Variants in ALCAM observed in about 807,000 individuals in gnomAD.
ALCAM encodes the protein activated leukocyte cell adhesion molecule.
A neutral mutation model predicts 70.9 loss-of-function variants in ALCAM; 30 were observed. The ratio of observed to expected loss-of-function variants is 0.42; its 90% CI spans 0.32 to 0.57. The LOEUF (loss-of-function observed/expected upper bound fraction) is 0.57. ALCAM is among the 20% of genes least tolerant of loss of function. The pLI is 0.11. For missense variants in ALCAM, 591 were observed against 695.1 expected (o/e 0.85, Z 1.68); for synonymous variants, 249 against 242.5 (o/e 1.03, Z -0.25).
chr3:105,533,793 A>T (rs774900077), intron 5 of ALCAM, 103 bp downstream of exon 5: 39 of 1,070,592 alleles, frequency 3.6e-5, no homozygotes, highest in Non-Finnish European at 5.1e-5. Flanking sequence ...CCTTTTTGGC[A>T]CCAGGAACTG....
intron 1 of ALCAM, among the ~76,000 whole-genome samples, chr3:105,466,030 T>C (rs932144336): frequency 1.3e-5 from 2 of 151,520 alleles, no homozygotes; most frequent in African/African-American, 4.8e-5. Context: ...TCATCTTTTA[T>C]TGAAAGCAGT....
chr3:105,382,224 A>G (rs1454022578), intron 1 of ALCAM, among the ~76,000 whole-genome samples: 2 of 151,964 alleles, frequency 1.3e-5, no homozygotes, highest in African/African-American at 4.8e-5. Context: ...TTTACTGAGA[A>G]TGATGATTTC....
rs75335452 is a variant in ALCAM, at chr3:105,409,585, G to A, written c.73+42104G>A. ...GGCTGGGGAATGGCAAGGGATAAAG[G>A]ATGACACATTAGGTACAGTGTACAC... On this transcript the variant is annotated intron_variant, in intron 1 of 15. Transcript: ENST00000306107. Among the ~76,000 whole-genome samples, 463 of 152,092 alleles carry A rather than the reference G, an allele frequency of 3.0e-3. 15 individuals are homozygous for A. In the East Asian group the frequency reaches 0.08, roughly 26 times the overall value.
intron 4 of ALCAM, among the ~76,000 whole-genome samples, 188 bp downstream of exon 4, chr3:105,532,254 GAC>G (rs1259506874): frequency 1.3e-5 from 2 of 152,106 alleles, no homozygotes; most frequent in Non-Finnish European, 2.9e-5. Flanking sequence ...TAACCATGAG[GAC>G]ATCAAGGAAG....
chr3:105,513,133 T>C (rs1422406963), intron 1 of ALCAM, among the ~76,000 whole-genome samples: 1 of 149,212 alleles, frequency 6.7e-6, no homozygotes, highest in African/African-American at 2.5e-5. Context: ...TTTTTAAATG[T>C]TTTTTATTTA....
chr3:105,413,556 T>C (rs1329986529), intron 1 of ALCAM, among the ~76,000 whole-genome samples: 1 of 152,156 alleles, frequency 6.6e-6, no homozygotes, highest in Admixed American at 6.5e-5. Context: ...AGTAGATGGA[T>C]GTGGGATAAG....
chr3:105,485,400 C>T (rs530953200), intron 1 of ALCAM, among the ~76,000 whole-genome samples: 46 of 150,526 alleles, frequency 3.1e-4, no homozygotes, highest in South Asian at 2.9e-3. Flanking sequence ...TGTGTGTGCG[C>T]GCACATCCAC....
intron 1 of ALCAM, among the ~76,000 whole-genome samples, chr3:105,435,147 T>C (rs1937022079): frequency 6.6e-6 from 1 of 152,226 alleles, no homozygotes; most frequent in Admixed American, 6.5e-5. Flanking sequence ...TAATACATGA[T>C]CACTTTCTAA....
chr3:105,444,951 A>G (rs950951086), intron 1 of ALCAM, among the ~76,000 whole-genome samples: 1 of 152,164 alleles, frequency 6.6e-6, no homozygotes, highest in Non-Finnish European at 1.5e-5. Context: ...TACATTCCAA[A>G]TACATCCAGG....
intron 1 of ALCAM, among the ~76,000 whole-genome samples, chr3:105,424,974 A>G (rs548603742): frequency 1.3e-5 from 2 of 151,840 alleles, no homozygotes; most frequent in African/African-American, 4.8e-5. Flanking sequence ...TGGTAGAACT[A>G]GAACTTGAAC....
chr3:105,504,068 AT>A (rs1179090827), intron 1 of ALCAM, among the ~76,000 whole-genome samples: 1 of 152,224 alleles, frequency 6.6e-6, no homozygotes, highest in Admixed American at 6.5e-5. Context: ...ACTTATACTT[AT>A]TAATTTAGTA....
chr3:105,532,593 A>G (rs752928265), intron 4 of ALCAM, among the ~76,000 whole-genome samples: 21 of 152,102 alleles, frequency 1.4e-4, no homozygotes, highest in Non-Finnish European at 2.2e-4. Context: ...TGGACGACAG[A>G]GCCAGACCCT....
At position 105,574,736 on chromosome 3, in the gene ALCAM, T is replaced by A. The variant is rs1445590392; in HGVS notation, c.*285T>A. 2.0e-5 allele frequency: 3 copies of A among 152,628 alleles called. No homozygotes were observed. The highest frequency in any genetic ancestry group is 7.2e-5 in the African/African-American group (3 of 41,448). The allele number at this position is 152,628 out of a possible 1,614,324, so 9.5% of individuals were successfully genotyped here. A position where few individuals can be genotyped will look rare whatever the true frequency, so the allele number is the denominator to read the frequency against. On this transcript the variant is annotated 3_prime_UTR_variant, in exon 16 of 16. Coordinates refer to ENST00000306107, the MANE Select transcript of ALCAM (RefSeq NM_001627.4). The stretch of plus-strand genomic sequence containing the variant: ...TCCGTAAATGTCTGCACTGAGGATT[T>A]CTTTTTGGTTTGCCTTTTATGTAAA...
At chr3:105,446,648 CACAT>C (rs1225610339) in intron 1 of ALCAM, among the ~76,000 whole-genome samples, 4 of 135,214 alleles carry the variant, frequency 3.0e-5, no homozygotes, top group African/African-American at 7.9e-5. Flanking sequence ...CACACACACA[CACAT>C]AATGGAGTAC....
intron 1 of ALCAM, among the ~76,000 whole-genome samples, chr3:105,491,392 T>C (rs1938583249): frequency 6.6e-6 from 1 of 152,234 alleles, no homozygotes; most frequent in Non-Finnish European, 1.5e-5. Flanking sequence ...CTTCATTACT[T>C]AGGCAAATTT....
At chr3:105,527,063 C>T (rs1293045598) in intron 3 of ALCAM, among the ~76,000 whole-genome samples, 1 of 152,170 alleles carries the variant, frequency 6.6e-6, no homozygotes, top group Non-Finnish European at 1.5e-5. Flanking sequence ...TCCTCATATG[C>T]AAGAAATCAT....
chr3:105,409,895 A>G (rs563377503), intron 1 of ALCAM, among the ~76,000 whole-genome samples: 15 of 152,152 alleles, frequency 9.9e-5, no homozygotes, highest in Admixed American at 5.2e-4. Flanking sequence ...AATTTCCTAT[A>G]TATCCCCTTT....
intron 1 of ALCAM, among the ~76,000 whole-genome samples, chr3:105,369,628 G>A (rs1255044574): frequency 2.0e-5 from 3 of 152,250 alleles, no homozygotes; most frequent in African/African-American, 4.8e-5. Context: ...GCAGAGCCCG[G>A]TGGGGGCGCG....
chr3:105,474,837 AGTT>A (rs1017331943), intron 1 of ALCAM, among the ~76,000 whole-genome samples: 2 of 151,750 alleles, frequency 1.3e-5, no homozygotes, highest in African/African-American at 2.4e-5. Flanking sequence ...TTGGCTTACT[AGTT>A]GTTGTTTTTT....
Sources: gnomAD v4.1 joint callset for allele counts (sites outside exome capture counted in the v4.1 genomes callset) on GRCh38, gnomAD v4.1.1 for gene constraint, MANE v1.5 for transcripts, NCBI Gene and HGNC (gene_info 2026-07-23, HGNC 2026-07-21) for gene names.